Variants in VIPR1 observed in about 807,000 individuals in gnomAD.
VIPR1 encodes the protein vasoactive intestinal peptide receptor 1.
A neutral mutation model predicts 58.8 loss-of-function variants in VIPR1; 59 were observed. The ratio of observed to expected loss-of-function variants is 1.00; its 90% CI spans 0.81 to 1.25. VIPR1 has a LOEUF of 1.25. Ranked by LOEUF, VIPR1 falls within the 50% of genes most tolerant of loss-of-function variation. VIPR1 has a pLI of 0.00. For synonymous variants in VIPR1, 251 were observed against 242.1 expected (o/e 1.04, Z -0.34); for missense variants, 626 against 602.7 (o/e 1.04, Z -0.40).
chr3:42,517,215 A>G (rs1473292496), intron 2 of VIPR1, among the ~76,000 whole-genome samples: 1 of 152,220 alleles, frequency 6.6e-6, no homozygotes, highest in African/African-American at 2.4e-5. Context: ...AGCCCACTCC[A>G]ATGCACACAG....
exon 1 of VIPR1, chr3:42,489,406 A>G (rs564939312): frequency 6.6e-6 from 1 of 152,104 alleles, no homozygotes; most frequent in Admixed American, 6.6e-5. Flanking sequence ...CATTGGCAAG[A>G]CTCCCATTGG....
chr3:42,532,328 A>G lies in VIPR1; in HGVS notation c.1005A>G (p.Pro335=). 1 of 1,614,114 alleles carries G rather than the reference A, an allele frequency of 6.2e-7. No homozygotes were observed. The highest frequency in any genetic ancestry group is 1.3e-5 in the African/African-American group (1 of 75,032). Reference sequence around the variant, plus strand: ...ATATCAGGAAGAGTGACAGCAGTCCATACTCGTGAGTGTGGGCCTAGTGCC... The same window carrying G: ...ATATCAGGAAGAGTGACAGCAGTCCGTACTCGTGAGTGTGGGCCTAGTGCC... The part of the protein sequence containing the change: ...PPDIRKSDSS[P]YSRLARSTLL... The change falls in exon 10 of 13, where the codon CCA becomes CCG. Residue 335 remains proline (P), a synonymous_variant. Transcript: ENST00000325123.
rs774716104 is a variant in VIPR1 at position 42,532,656 on chromosome 3, C to T, written c.1010+323C>T. 4 of 434,010 alleles carry T rather than the reference C, an allele frequency of 9.2e-6. No homozygotes were observed. In the East Asian group the frequency reaches 1.6e-4, roughly 17 times the overall value. The allele number at this position is 434,010 out of a possible 1,614,324, so 26.9% of individuals were successfully genotyped here. On this transcript the variant is annotated intron_variant, in intron 10 of 12. Coordinates refer to ENST00000325123, the MANE Select transcript of VIPR1 (RefSeq NM_004624.4). ...GTCTTGTTCATACCATGTGCCCAGT[C>T]CCTGGCATGTGCCTCACATGGAAAA... is the stretch of plus-strand genomic sequence containing the variant.
intron 10 of VIPR1, chr3:42,532,622 A>G (rs1469883428): frequency 3.8e-6 from 2 of 529,258 alleles, no homozygotes; most frequent in Non-Finnish European, 6.9e-6. Flanking sequence ...GAGGACACCG[A>G]TGACCTGTGT....
At chr3:42,516,302 C>T (rs1466651053) in intron 2 of VIPR1, among the ~76,000 whole-genome samples, 1 of 152,162 alleles carries the variant, frequency 6.6e-6, no homozygotes, top group Non-Finnish European at 1.5e-5. Context: ...GAAATACTCC[C>T]GTTGCCTAGC....
At chr3:42,535,956 G>A in intron 12 of VIPR1, 134 bp from the exon 13 acceptor site, 2 of 1,138,700 alleles carry the variant, frequency 1.8e-6, no homozygotes, top group Non-Finnish European at 1.2e-6. Flanking sequence ...GCCCGAGGCA[G>A]CATAGGGGTC....
chr3:42,499,786 C>T (rs894244927), upstream of VIPR1, among the ~76,000 whole-genome samples: 26 of 152,152 alleles, frequency 1.7e-4, no homozygotes, highest in Admixed American at 1.7e-3. Context: ...CATCCCTCTT[C>T]CTCCAAGAAG....
chr3:42,496,235 A>G (rs1302710004), intron 1 of VIPR1, among the ~76,000 whole-genome samples: 1 of 152,190 alleles, frequency 6.6e-6, no homozygotes, highest in African/African-American at 2.4e-5. Flanking sequence ...GTCTCAAAAA[A>G]AAAGCTAATA....
chr3:42,535,475 G>A (rs1340893971), intron 12 of VIPR1, 91 bp downstream of exon 12: 2 of 1,392,898 alleles, frequency 1.4e-6, no homozygotes, highest in Admixed American at 1.7e-5. Context: ...GAGCAAGGAC[G>A]GGTTAAACCT....
chr3:42,527,288 C>T (rs543602912), intron 4 of VIPR1, 105 bp from the exon 5 acceptor site: 52 of 1,044,364 alleles, frequency 5.0e-5, no homozygotes, highest in Non-Finnish European at 7.2e-5. Flanking sequence ...TTTGCTGAGG[C>T]AGGGTTGGGC....
intron 1 of VIPR1, among the ~76,000 whole-genome samples, chr3:42,494,941 A>G (rs1699730171): frequency 6.6e-6 from 1 of 152,096 alleles, no homozygotes; most frequent in African/African-American, 2.4e-5. Context: ...TCCAATTTTT[A>G]CTTCCTTACC....
intron 1 of VIPR1, chr3:42,507,956 C>CAAAAAAAAAAAAAAAAAAA (rs58978493): frequency 1.8e-5 from 2 of 109,370 alleles, no homozygotes. Context: ...GTGAGGCTGG[C>CAAAAAAAAAAAAAAAAAAA]AAAAAAAAAA....
intron 6 of VIPR1, chr3:42,529,563 G>A (rs1701418830): frequency 6.6e-6 from 1 of 152,110 alleles, no homozygotes; most frequent in South Asian, 2.1e-4. Context: ...AGCGAGACCT[G>A]AGGAAGGACT....
intron 4 of VIPR1, 134 bp downstream of exon 4, chr3:42,526,127 TC>T (rs1701222511): frequency 1.2e-6 from 1 of 827,864 alleles, no homozygotes; most frequent in Admixed American, 2.5e-5. Flanking sequence ...TCCTCTAGCC[TC>T]CTCCAGGCCT....
intron 1 of VIPR1, among the ~76,000 whole-genome samples, chr3:42,495,551 A>T (rs1453773779): frequency 3.3e-5 from 5 of 152,236 alleles, no homozygotes; most frequent in Non-Finnish European, 5.9e-5. Flanking sequence ...CACCCTGTAT[A>T]ATCCCCTCCC....
At chr3:42,528,445 G>A in intron 6 of VIPR1, 1 of 311,252 alleles carries the variant, frequency 3.2e-6, no homozygotes, top group Non-Finnish European at 6.1e-6. Context: ...CTTCCTATGT[G>A]GCCTTGGGGA....
chr3:42,530,989 CT>C, intron 7 of VIPR1, 57 bp downstream of exon 7: 1 of 1,599,654 alleles, frequency 6.3e-7, no homozygotes, highest in Non-Finnish European at 8.5e-7. Context: ...GCCTGGAGAA[CT>C]CCCTAGGGGG....
chr3:42,518,599 C>T (rs888490072), intron 2 of VIPR1, among the ~76,000 whole-genome samples: 3 of 152,064 alleles, frequency 2.0e-5, no homozygotes, highest in African/African-American at 4.8e-5. Flanking sequence ...ATTAGCCGGG[C>T]GTGGCGGCAT....
At chr3:42,518,537 G>T (rs980789739) in intron 2 of VIPR1, among the ~76,000 whole-genome samples, 1 of 152,130 alleles carries the variant, frequency 6.6e-6, no homozygotes, top group African/African-American at 2.4e-5. Flanking sequence ...TCAGGAGTTC[G>T]AGATCAGCCT....
Sources: gnomAD v4.1 joint callset for allele counts (sites outside exome capture counted in the v4.1 genomes callset) on GRCh38, gnomAD v4.1.1 for gene constraint, MANE v1.5 for transcripts, NCBI Gene and HGNC (gene_info 2026-07-23, HGNC 2026-07-21) for gene names.